The following GRM7 variants were observed in gnomAD, a reference collection of about 807,000 sequenced individuals.
The protein encoded by GRM7 is glutamate metabotropic receptor 7, also known as metabotropic glutamate receptor 7.
Under a neutral mutation model 84.5 loss-of-function variants are expected in GRM7, and 35 were observed. The observed-to-expected ratio is 0.41, with a 90% confidence interval of 0.32 to 0.55. The LOEUF (loss-of-function observed/expected upper bound fraction) is 0.55, where lower values mean the gene tolerates loss of function less well. GRM7 is among the 20% of genes least tolerant of loss of function. The pLI is 0.19. For synonymous variants in GRM7, 487 were observed against 455.1 expected (o/e 1.07, Z -0.89); for missense variants, 1,003 against 1,194.6 (o/e 0.84, Z 2.36).
intron 1 of GRM7, among the ~76,000 whole-genome samples, chr3:7,049,212 G>A (rs886948996): frequency 5.3e-5 from 8 of 151,874 alleles, no homozygotes; most frequent in African/African-American, 7.2e-5. Flanking sequence ...CATGTAGCAC[G>A]TTGTACTGGT....
Position 6,861,417 on chromosome 3 carries a change from T to G in GRM7, c.29T>G (p.Val10Gly). ...GTCCAGCTGAGGAAGCTGCTCCGCG[T>G]CCTGACTTTGATGAAGTTCCCCTGC... MVQLRKLLR[V>G]LTLMKFPCCV... Residue 10 changes from valine to glycine, a missense_variant, in exon 1 of 10, where the codon GTC (valine) becomes GGC (glycine). Coordinates refer to ENST00000357716, the MANE Select transcript of GRM7 (RefSeq NM_000844.4). This position sits in a 1 kb window ranked among gnomAD's most constrained non-coding sequence, Gnocchi z 6.4. 1 of 1,590,904 alleles carries G rather than the reference T, an allele frequency of 6.3e-7. No homozygotes were observed. Among genetic ancestry groups the G allele is most frequent in the Non-Finnish European group, 8.5e-7 (1 of 1,170,348 alleles).
chr3:6,985,848 T>C (rs1279159948), intron 1 of GRM7, among the ~76,000 whole-genome samples: 1 of 152,192 alleles, frequency 6.6e-6, no homozygotes, highest in Non-Finnish European at 1.5e-5. Flanking sequence ...TATTAATACT[T>C]GTCTAAAATA....
At chr3:7,651,751 C>G (rs1008667678) in intron 8 of GRM7, among the ~76,000 whole-genome samples, 1 of 152,172 alleles carries the variant, frequency 6.6e-6, no homozygotes, top group African/African-American at 2.4e-5. Flanking sequence ...TCCCATCCCT[C>G]ATTTTGCAGA....
chr3:7,370,359 G>A (rs939494330), intron 4 of GRM7, among the ~76,000 whole-genome samples: 13 of 152,062 alleles, frequency 8.5e-5, no homozygotes, highest in Admixed American at 3.3e-4. Flanking sequence ...GAGAAAAGTC[G>A]ATATGATTTC....
intron 1 of GRM7, among the ~76,000 whole-genome samples, chr3:6,890,690 G>GA (rs1013457876): frequency 1.3e-4 from 20 of 152,192 alleles, no homozygotes; most frequent in Middle Eastern, 3.4e-3. Context: ...GTGTGGTGCT[G>GA]AAAAAAATGT....
intron 1 of GRM7, among the ~76,000 whole-genome samples, chr3:7,133,079 A>C (rs1368545234): frequency 6.6e-6 from 1 of 152,136 alleles, no homozygotes; most frequent in East Asian, 1.9e-4. Context: ...TGTCCATGTA[A>C]CGGACTCAGC....
At chr3:7,309,701 C>T (rs758571917) in intron 4 of GRM7, among the ~76,000 whole-genome samples, 1 of 152,078 alleles carries the variant, frequency 6.6e-6, no homozygotes. Context: ...TTGAAAGTGG[C>T]CTTTCTCTTC....
At chr3:7,737,285 G>T (rs1702536216) in intron 9 of GRM7, among the ~76,000 whole-genome samples, 1 of 152,088 alleles carries the variant, frequency 6.6e-6, no homozygotes, top group Admixed American at 6.5e-5. Flanking sequence ...CTACCTCACT[G>T]TAAACATTGA....
At chr3:7,336,679 A>G (rs1701433156) in intron 4 of GRM7, among the ~76,000 whole-genome samples, 1 of 152,074 alleles carries the variant, frequency 6.6e-6, no homozygotes, top group Non-Finnish European at 1.5e-5. Flanking sequence ...AGATCTGACA[A>G]ATGAATTCAG....
chr3:7,215,816 A>G (rs1270155556), intron 2 of GRM7, among the ~76,000 whole-genome samples: 1 of 152,200 alleles, frequency 6.6e-6, no homozygotes, highest in Non-Finnish European at 1.5e-5. Flanking sequence ...AGAACTAAAC[A>G]TTACATTTGC....
intron 9 of GRM7, chr3:7,691,270 C>T (rs1270890656): frequency 1.6e-6 from 2 of 1,287,294 alleles, no homozygotes; most frequent in Admixed American, 2.3e-5. Context: ...AAAGCTTGTT[C>T]TTCTTGAGCT....
chr3:7,303,131 G>A (rs1413691303), intron 3 of GRM7, among the ~76,000 whole-genome samples: 3 of 151,702 alleles, frequency 2.0e-5, no homozygotes, highest in Admixed American at 6.6e-5. Flanking sequence ...TAGTAGAGAC[G>A]GGCTTTCACC....
intron 1 of GRM7, among the ~76,000 whole-genome samples, chr3:6,887,620 C>T (rs1338612648): frequency 3.3e-5 from 5 of 152,108 alleles, no homozygotes; most frequent in Non-Finnish European, 5.9e-5. Flanking sequence ...TTTCTTAATC[C>T]AGTCTATCAT....
intron 7 of GRM7, among the ~76,000 whole-genome samples, chr3:7,464,543 A>G (rs932607834): frequency 2.0e-5 from 3 of 152,072 alleles, no homozygotes; most frequent in Non-Finnish European, 2.9e-5. Context: ...AAAATGACAC[A>G]ATTCCAGCCA....
At position 7,491,707 on chromosome 3, in the gene GRM7, G is replaced by T. The variant is rs575685532; in HGVS notation, c.1515+29985G>T. Among the ~76,000 whole-genome samples the T allele has an allele frequency of 2.6e-5, 4 of 152,270 alleles. No homozygotes were observed. In the East Asian group the frequency reaches 7.7e-4, roughly 29 times the overall value. On this transcript the variant is annotated intron_variant, in intron 7 of 9. Coordinates refer to ENST00000357716, the MANE Select transcript of GRM7 (RefSeq NM_000844.4). ...CAGCTCCTCTACACAACAGCTGTACGTCCGTAGGCAAATCATTTTCTCCTC... is the reference window on the plus strand; with the variant it reads ...CAGCTCCTCTACACAACAGCTGTACTTCCGTAGGCAAATCATTTTCTCCTC...
intron 2 of GRM7, among the ~76,000 whole-genome samples, chr3:7,223,494 T>A (rs894360547): frequency 1.0e-4 from 13 of 128,202 alleles, no homozygotes; most frequent in African/African-American, 3.7e-4. Context: ...TTCTCTAATA[T>A]TTTTTTTTCT....
intron 2 of GRM7, among the ~76,000 whole-genome samples, chr3:7,200,587 C>T (rs1226187980): frequency 6.6e-6 from 1 of 152,168 alleles, no homozygotes; most frequent in Non-Finnish European, 1.5e-5. Flanking sequence ...CAAGCTTTAG[C>T]ATGCATCAGT....
intron 1 of GRM7, among the ~76,000 whole-genome samples, chr3:7,002,247 G>A (rs1166927759): frequency 6.6e-6 from 1 of 152,068 alleles, no homozygotes; most frequent in East Asian, 1.9e-4. Flanking sequence ...CTGCCACAAA[G>A]GTCTCCCAAG....
chr3:7,304,308 CTTTTT>C (rs34986687), intron 3 of GRM7, among the ~76,000 whole-genome samples: 1 of 98,042 alleles, frequency 1.0e-5, no homozygotes, highest in Admixed American at 1.0e-4. Flanking sequence ...ATCATCCATC[CTTTTT>C]TTTTTTTTTT....
Sources: gnomAD v4.1 joint callset for allele counts (sites outside exome capture counted in the v4.1 genomes callset) on GRCh38, gnomAD v4.1.1 for gene constraint, Gnocchi (gnomAD v3.1) non-coding constraint, MANE v1.5 for transcripts, NCBI Gene and HGNC (gene_info 2026-07-23, HGNC 2026-07-21) for gene names.